Variants in RBMS1 observed in about 807,000 individuals in gnomAD.
The protein encoded by RBMS1 is RNA binding motif single stranded interacting protein 1.
RBMS1 carries 17 observed loss-of-function variants against 62.3 expected under a neutral mutation model. The observed-to-expected ratio is 0.27, with a 90% CI of 0.19 to 0.41. RBMS1 has a LOEUF of 0.41. Ranked by LOEUF, RBMS1 falls within the 10% of genes least tolerant of loss-of-function variation. The pLI is 1.00. For synonymous variants in RBMS1, 172 were observed against 170.0 expected (o/e 1.01, Z -0.09); for missense variants, 334 against 504.5 (o/e 0.66, Z 3.24).
intron 1 of RBMS1, among the ~76,000 whole-genome samples, chr2:160,453,796 C>A (rs1684097757): frequency 6.6e-6 from 1 of 152,192 alleles, no homozygotes; most frequent in African/African-American, 2.4e-5. Context: ...TCTCCTTACC[C>A]ACCCTTCTTC....
At chr2:160,310,840 C>T (rs561255625) in intron 4 of RBMS1, among the ~76,000 whole-genome samples, 32 of 152,096 alleles carry the variant, frequency 2.1e-4, no homozygotes, top group Admixed American at 7.2e-4. Flanking sequence ...TCATAATCAC[C>T]GTCTTTCAAT....
intron 1 of RBMS1, among the ~76,000 whole-genome samples, chr2:160,376,551 ATAAT>A (rs1252215534): frequency 3.9e-5 from 6 of 152,320 alleles, no homozygotes; most frequent in African/African-American, 1.4e-4. Context: ...TCTGATATGA[ATAAT>A]TAGAGAAAGT....
intron 1 of RBMS1, among the ~76,000 whole-genome samples, chr2:160,442,771 G>A (rs1683460821): frequency 6.6e-6 from 1 of 152,180 alleles, no homozygotes; most frequent in African/African-American, 2.4e-5. Flanking sequence ...ATGGAATAGA[G>A]AGGCAACAGG....
intron 1 of RBMS1, among the ~76,000 whole-genome samples, chr2:160,438,834 G>A (rs1214134723): frequency 6.6e-6 from 1 of 152,036 alleles, no homozygotes; most frequent in Non-Finnish European, 1.5e-5. Context: ...CAGTAGGCGC[G>A]GCCGGGCAGA....
rs527490077 is a variant in RBMS1 at position 160,304,781 on chromosome 2, G to C, written c.403-1294C>G. The stretch of plus-strand genomic sequence containing the variant: ...GTTTTAAGCTAAAACACACATACTT[G>C]ACAAAAGTCAAAAACTTAAATTTAA... On this transcript the variant is annotated intron_variant, in intron 4 of 13. Transcript: ENST00000348849. Among the ~76,000 whole-genome samples the C allele has an allele frequency of 5.3e-5, 8 of 152,202 alleles. No homozygotes were observed. The East Asian group carries it at 1.5e-3, about 29-fold the overall frequency.
intron 1 of RBMS1, among the ~76,000 whole-genome samples, chr2:160,473,846 TA>T (rs1317529444): frequency 6.6e-6 from 1 of 152,204 alleles, no homozygotes; most frequent in Non-Finnish European, 1.5e-5. Context: ...TCTACTCAGA[TA>T]ATCTATTTTT....
chr2:160,282,888 T>G (rs1260332551), intron 9 of RBMS1: 1 of 152,184 alleles, frequency 6.6e-6, no homozygotes, highest in South Asian at 2.1e-4. Context: ...CCTGAACTTA[T>G]GTAGTTAAAA....
At chr2:160,493,186 G>T in intron 1 of RBMS1, 103 bp downstream of exon 1, 2 of 1,135,538 alleles carry the variant, frequency 1.8e-6, no homozygotes, top group Non-Finnish European at 2.5e-6. Context: ...ACTCCGCCCG[G>T]CGGTGGCGGG....
At position 160,277,782 on chromosome 2, in the gene RBMS1, G is replaced by A. The variant is rs563574390; in HGVS notation, c.1063-399C>T. The A allele has an allele frequency of 6.6e-5, 11 of 167,728 alleles. No homozygotes were observed. The South Asian group carries it at 1.2e-3, about 18-fold the overall frequency. 10.4% of individuals were successfully genotyped at this position (167,728 alleles called of 1,614,324 possible). On this transcript the variant is annotated intron_variant, in intron 11 of 13. Transcript: ENST00000348849. ...ACCTAGTATTGTTTCTACAGGTAGA[G>A]CCCACAGGGGTAAGACTTATTAGAC...
At chr2:160,450,881 A>T (rs141735753) in intron 1 of RBMS1, among the ~76,000 whole-genome samples, 1 of 152,318 alleles carries the variant, frequency 6.6e-6, no homozygotes, top group East Asian at 1.9e-4. Flanking sequence ...AGTATCTAAA[A>T]CTAGAAAAAG....
chr2:160,312,031 C>A (rs761855644), intron 4 of RBMS1, among the ~76,000 whole-genome samples: 33 of 152,192 alleles, frequency 2.2e-4, no homozygotes, highest in Non-Finnish European at 4.3e-4. Context: ...AAGTGTGACT[C>A]TCCTTGTTGA....
chr2:160,492,598 G>T (rs1685877954), intron 1 of RBMS1, among the ~76,000 whole-genome samples: 1 of 152,170 alleles, frequency 6.6e-6, no homozygotes, highest in Admixed American at 6.5e-5. Flanking sequence ...TCCCTCCTTT[G>T]CAAAACCTCT....
chr2:160,387,690 A>G (rs1389385099), intron 1 of RBMS1, among the ~76,000 whole-genome samples: 1 of 152,182 alleles, frequency 6.6e-6, no homozygotes, highest in Non-Finnish European at 1.5e-5. Context: ...TGGGCTCAAT[A>G]TATGCTCAGG....
intron 1 of RBMS1, among the ~76,000 whole-genome samples, chr2:160,421,144 CT>C (rs913881647): frequency 3.7e-4 from 55 of 147,156 alleles, no homozygotes; most frequent in South Asian, 6.5e-4. Flanking sequence ...ATTCTTTTTT[CT>C]TTTTTTTTTT....
At chr2:160,380,322 G>C (rs147309899) in intron 1 of RBMS1, among the ~76,000 whole-genome samples, 70 of 152,176 alleles carry the variant, frequency 4.6e-4, no homozygotes, top group African/African-American at 1.5e-3. Context: ...AACAGGAAAG[G>C]GAAAAACAGA....
At chr2:160,348,704 A>G (rs1448928272) in intron 2 of RBMS1, among the ~76,000 whole-genome samples, 1 of 152,178 alleles carries the variant, frequency 6.6e-6, no homozygotes, top group Non-Finnish European at 1.5e-5. Context: ...CACAAGCATA[A>G]TTCAATGGTA....
chr2:160,446,817 A>C (rs1477406910), intron 1 of RBMS1, among the ~76,000 whole-genome samples: 1 of 152,108 alleles, frequency 6.6e-6, no homozygotes, highest in Non-Finnish European at 1.5e-5. Flanking sequence ...CATCCCACAA[A>C]ACGTTCCACA....
intron 1 of RBMS1, among the ~76,000 whole-genome samples, chr2:160,481,953 C>T (rs557638054): frequency 5.9e-5 from 9 of 152,130 alleles, no homozygotes; most frequent in African/African-American, 7.2e-5. Context: ...ATCCTATGAC[C>T]TACAAATTCC....
At chr2:160,343,233 T>G (rs1053894881) in intron 2 of RBMS1, among the ~76,000 whole-genome samples, 1 of 152,190 alleles carries the variant, frequency 6.6e-6, no homozygotes, top group African/African-American at 2.4e-5. Flanking sequence ...CTAGTGAATA[T>G]TTCTAAAAAT....
Sources: allele counts gnomAD v4.1 joint callset (sites outside exome capture counted in the v4.1 genomes callset), GRCh38; gene constraint gnomAD v4.1.1; transcripts MANE v1.5; gene names NCBI Gene and HGNC (gene_info 2026-07-23, HGNC 2026-07-21).